ZBTB7C: variants seen among roughly 807,000 people sequenced by gnomAD.
ZBTB7C encodes zinc finger and BTB domain-containing protein 7C.
Under a neutral mutation model 25.7 loss-of-function variants are expected in ZBTB7C, and 8 were observed. That is an observed-to-expected ratio of 0.31 (90% confidence interval 0.18 to 0.56). The LOEUF (loss-of-function observed/expected upper bound fraction) is 0.56, where lower values mean the gene tolerates loss of function less well. Ranked by LOEUF, ZBTB7C falls within the 20% of genes least tolerant of loss-of-function variation. The probability of loss-of-function intolerance (pLI) is 0.91; values close to 1 mark genes in which losing one functional copy is unlikely to be tolerated. For synonymous variants in ZBTB7C, 394 were observed against 369.0 expected (o/e 1.07, Z -0.78); for missense variants, 824 against 855.2 (o/e 0.96, Z 0.46).
At chr18:48,094,551 A>G (rs2038543201) in intron 3 of ZBTB7C, among the ~76,000 whole-genome samples, 1 of 152,212 alleles carries the variant, frequency 6.6e-6, no homozygotes, top group Admixed American at 6.5e-5. Context: ...AAGGGAGATT[A>G]GGTAGAAGGT....
rs1291967013 is a variant in ZBTB7C at position 48,281,528 on chromosome 18, A to G, written c.-79+56646T>C. Reference sequence around the variant, plus strand: ...TACTATCAGAGTGAACAGGCAACCTACAAAATGGGAGAAAATTTTTGCAAC... The same window carrying G: ...TACTATCAGAGTGAACAGGCAACCTGCAAAATGGGAGAAAATTTTTGCAAC... On this transcript the variant is annotated intron_variant, in intron 2 of 4. Transcript: ENST00000590800. Among the ~76,000 whole-genome samples the G allele has an allele frequency of 3.3e-5, 5 of 152,202 alleles. 1 individual carries two copies. Among genetic ancestry groups the G allele is most frequent in the Admixed American group, 3.3e-4 (5 of 15,288 alleles).
At chr18:48,149,589 T>A (rs2040607948) in intron 3 of ZBTB7C, 1 of 152,198 alleles carries the variant, frequency 6.6e-6, no homozygotes, top group Middle Eastern at 3.1e-3. Context: ...ACCATCTGTC[T>A]TGCCAGTAGG....
At chr18:48,087,912 C>A (rs1035711895) in intron 3 of ZBTB7C, 1 of 151,808 alleles carries the variant, frequency 6.6e-6, no homozygotes. Flanking sequence ...CCTTTTCCTC[C>A]ATTTAACCTC....
chr18:48,117,329 C>T (rs968562334), intron 3 of ZBTB7C, among the ~76,000 whole-genome samples: 12 of 152,086 alleles, frequency 7.9e-5, no homozygotes, highest in African/African-American at 2.7e-4. Context: ...AATGGAGAGG[C>T]GTGAATAAAT....
intron 2 of ZBTB7C, among the ~76,000 whole-genome samples, chr18:48,239,190 A>G (rs2043458390): frequency 6.6e-6 from 1 of 152,206 alleles, no homozygotes; most frequent in African/African-American, 2.4e-5. Context: ...GTCTGAGCTC[A>G]GAAACACCTA....
intron 3 of ZBTB7C, among the ~76,000 whole-genome samples, chr18:48,046,712 CTGTGCTAAG>C (rs2036482456): frequency 6.6e-6 from 1 of 152,170 alleles, no homozygotes; most frequent in Non-Finnish European, 1.5e-5. Flanking sequence ...TGTGGTTGTC[CTGTGCTAAG>C]TGTGGATCTT....
At chr18:48,384,875 C>A (rs1157967067) in intron 1 of ZBTB7C, among the ~76,000 whole-genome samples, 1 of 151,974 alleles carries the variant, frequency 6.6e-6, no homozygotes, top group Non-Finnish European at 1.5e-5. Flanking sequence ...AGAGACGAGG[C>A]TTCACCACCT....
intron 4 of ZBTB7C, among the ~76,000 whole-genome samples, chr18:48,032,053 A>G (rs1262359439): frequency 1.3e-5 from 2 of 152,202 alleles, no homozygotes; most frequent in East Asian, 1.9e-4. Flanking sequence ...TCAGCTAAGC[A>G]GGGCTTTAAA....
Position 48,224,380 on chromosome 18 carries a change from G to T in ZBTB7C, c.-78-38385C>A, listed in dbSNP as rs1309696309. 3.3e-5 allele frequency among the ~76,000 whole-genome samples: 5 copies of T among 152,212 alleles called. No individual in the cohort carries two copies. In the East Asian group the frequency reaches 9.6e-4, roughly 29 times the overall value. On this transcript the variant is annotated intron_variant, in intron 2 of 4. Coordinates refer to ENST00000590800, the MANE Select transcript of ZBTB7C (RefSeq NM_001318841.2). ...GCTAAAAGCATGGGAGAAAACAGCT[G>T]CCATGAGCACAAGGAGCAGAGGAAG...
intron 2 of ZBTB7C, among the ~76,000 whole-genome samples, chr18:48,257,943 A>G (rs1237415216): frequency 4.6e-5 from 7 of 152,202 alleles, no homozygotes; most frequent in Non-Finnish European, 8.8e-5. Flanking sequence ...CTGAGGCAGG[A>G]GGATCACCTG....
chr18:48,146,904 T>C (rs2040512270), intron 3 of ZBTB7C, among the ~76,000 whole-genome samples: 1 of 152,206 alleles, frequency 6.6e-6, no homozygotes, highest in Admixed American at 6.5e-5. Flanking sequence ...TCAGATTAAC[T>C]ATGGCCATTT....
At chr18:48,051,936 G>A (rs1402458653) in intron 3 of ZBTB7C, among the ~76,000 whole-genome samples, 3 of 152,050 alleles carry the variant, frequency 2.0e-5, no homozygotes, top group South Asian at 2.1e-4. Context: ...GGCAGTGGGG[G>A]GAGACTTGTT....
chr18:48,348,366 T>C (rs1354441846), intron 1 of ZBTB7C, among the ~76,000 whole-genome samples: 1 of 152,202 alleles, frequency 6.6e-6, no homozygotes. Context: ...ACACAGTTTA[T>C]AAAGGCAGAG....
At chr18:48,375,856 T>C (rs1388862756) in intron 1 of ZBTB7C, among the ~76,000 whole-genome samples, 1 of 152,236 alleles carries the variant, frequency 6.6e-6, no homozygotes, top group East Asian at 1.9e-4. Flanking sequence ...AATGACACAC[T>C]AGGAACTTGA....
At chr18:48,405,101 C>T (rs2048248419) in intron 1 of ZBTB7C, among the ~76,000 whole-genome samples, 1 of 151,878 alleles carries the variant, frequency 6.6e-6, no homozygotes, top group African/African-American at 2.4e-5. Context: ...GCTTCCTCCA[C>T]CCCACCCCAC....
At chr18:48,362,509 CA>C (rs2047131703) in intron 1 of ZBTB7C, among the ~76,000 whole-genome samples, 1 of 152,084 alleles carries the variant, frequency 6.6e-6, no homozygotes, top group Non-Finnish European at 1.5e-5. Flanking sequence ...TTCTCTGAAC[CA>C]AAAAGCAGGC....
chr18:48,257,150 AAT>A (rs2144488551), intron 2 of ZBTB7C, among the ~76,000 whole-genome samples: 1 of 152,242 alleles, frequency 6.6e-6, no homozygotes, highest in South Asian at 2.1e-4. Flanking sequence ...AAGGATCAAA[AAT>A]ATATACCAAG....
At chr18:48,121,929 A>G (rs2039642952) in intron 3 of ZBTB7C, among the ~76,000 whole-genome samples, 1 of 152,176 alleles carries the variant, frequency 6.6e-6, no homozygotes, top group Non-Finnish European at 1.5e-5. Context: ...GCAGAGACCC[A>G]TGGATGTGGA....
At chr18:48,173,954 T>C (rs9965969) in intron 3 of ZBTB7C, among the ~76,000 whole-genome samples, 17,506 of 152,286 alleles carry the variant, frequency 0.11, 1,371 homozygotes, top group East Asian at 0.35. Context: ...GCTCCCCATC[T>C]GCCCTCCTTC....
Sources: allele counts gnomAD v4.1 joint callset (sites outside exome capture counted in the v4.1 genomes callset), GRCh38; gene constraint gnomAD v4.1.1; transcripts MANE v1.5; gene names NCBI Gene and HGNC (gene_info 2026-07-23, HGNC 2026-07-21).